ATP2B4: variants seen among roughly 807,000 people sequenced by gnomAD.
ATP2B4 encodes the protein ATPase plasma membrane Ca2+ transporting 4.
Under a neutral mutation model 110.3 loss-of-function variants are expected in ATP2B4, and 39 were observed. The ratio of observed to expected loss-of-function variants is 0.35; its 90% CI spans 0.27 to 0.46. The LOEUF is 0.46. ATP2B4 is among the 20% of genes least tolerant of loss of function. The probability of loss-of-function intolerance (pLI) is 1.00; values close to 1 mark genes in which losing one functional copy is unlikely to be tolerated. For missense variants in ATP2B4, 1,135 were observed against 1,530.9 expected (o/e 0.74, Z 4.32); for synonymous variants, 538 against 571.7 (o/e 0.94, Z 0.84).
intron 1 of ATP2B4, among the ~76,000 whole-genome samples, chr1:203,641,558 T>G (rs1033639559): frequency 5.3e-5 from 8 of 152,184 alleles, no homozygotes; most frequent in Admixed American, 3.9e-4. Context: ...ATCTGTGGAT[T>G]CAGCTGGGAC....
chr1:203,675,725 C>G (rs1310581318), intron 1 of ATP2B4, among the ~76,000 whole-genome samples: 2 of 152,050 alleles, frequency 1.3e-5, no homozygotes, highest in Non-Finnish European at 2.9e-5. Context: ...TGAGGGAGGC[C>G]CGTGGATACC....
Position 203,713,169 on chromosome 1 carries a change from A to G in ATP2B4, c.2216A>G (p.Glu739Gly). The G allele has an allele frequency of 1.2e-6, 2 of 1,614,192 alleles. No homozygotes were observed. The highest frequency in any genetic ancestry group is 1.7e-6 in the Non-Finnish European group (2 of 1,180,010). Residue 739 changes from glutamate to glycine, a missense_variant, in exon 14 of 21, where the codon GAG becomes GGG. Coordinates refer to ENST00000357681, the MANE Select transcript of ATP2B4 (RefSeq NM_001684.5). ...RLIRNEKGEV[E>G]QEKLDKIWPK... Reference sequence around the variant, plus strand: ...GGTGTGGTCTGGTGTTGGCAGGTAGAGCAAGAAAAGCTGGACAAGATCTGG... The same window carrying G: ...GGTGTGGTCTGGTGTTGGCAGGTAGGGCAAGAAAAGCTGGACAAGATCTGG...
chr1:203,679,655 G>T (rs958782346), intron 1 of ATP2B4, among the ~76,000 whole-genome samples: 15 of 152,106 alleles, frequency 9.9e-5, no homozygotes, highest in East Asian at 3.9e-4. Context: ...GAGGCCGAGG[G>T]GGGTGGATCA....
chr1:203,698,011 TTTTA>T, intron 2 of ATP2B4, 142 bp from the exon 3 acceptor site: 1 of 699,054 alleles, frequency 1.4e-6, no homozygotes, highest in Non-Finnish European at 2.4e-6. Flanking sequence ...GGCCTCTTTA[TTTTA>T]TTTATTTTTG....
chr1:203,634,105 T>A (rs1663364011), intron 1 of ATP2B4, among the ~76,000 whole-genome samples: 1 of 152,198 alleles, frequency 6.6e-6, no homozygotes. Flanking sequence ...TTCATATATG[T>A]ATGGGGTGTA....
At chr1:203,676,360 G>A (rs1664828741) in intron 1 of ATP2B4, among the ~76,000 whole-genome samples, 1 of 152,082 alleles carries the variant, frequency 6.6e-6, no homozygotes, top group African/African-American at 2.4e-5. Context: ...TGAGGGATTG[G>A]AAGTGGCCAG....
intron 13 of ATP2B4, among the ~76,000 whole-genome samples, chr1:203,712,883 C>G (rs1051007495): frequency 6.6e-6 from 1 of 152,038 alleles, no homozygotes; most frequent in Non-Finnish European, 1.5e-5. Flanking sequence ...AACAGCCAAC[C>G]CTGGCCCACC....
chr1:203,725,904 C>CTTTTTT lies in ATP2B4; in HGVS notation c.3133-1474_3133-1469dup, dbSNP rs756184004. The stretch of plus-strand genomic sequence containing the variant: ...ATTTCTTTTTCTTTTCTTTTCTTTT[C>CTTTTTT]TTTTTTTTTTTTTTTTTTTTTTAAG... On this transcript the variant is annotated intron_variant, in intron 19 of 20. Coordinates refer to ENST00000357681, the MANE Select transcript of ATP2B4 (RefSeq NM_001684.5). Among the ~76,000 whole-genome samples the CTTTTTT allele has an allele frequency of 5.0e-4, 47 of 93,378 alleles. 1 individual carries two copies. The highest frequency in any genetic ancestry group is 1.2e-3 in the African/African-American group (26 of 22,226). 61.3% of individuals were successfully genotyped at this position (93,378 alleles called of 152,430 possible).
intron 1 of ATP2B4, among the ~76,000 whole-genome samples, chr1:203,632,946 C>A (rs1344429077): frequency 1.3e-5 from 2 of 152,190 alleles, no homozygotes; most frequent in East Asian, 3.9e-4. Context: ...GGTCTGTCCA[C>A]TGAAAGGACT....
At chr1:203,659,226 TAAA>T in intron 1 of ATP2B4, among the ~76,000 whole-genome samples, 1 of 151,836 alleles carries the variant, frequency 6.6e-6, no homozygotes, top group African/African-American at 2.4e-5. Context: ...ATGTGTCAGT[TAAA>T]AAAAAATTTA....
chr1:203,712,290 A>G (rs1439928226), intron 13 of ATP2B4, 151 bp downstream of exon 13: 2 of 1,013,096 alleles, frequency 2.0e-6, no homozygotes, highest in Non-Finnish European at 2.8e-6. Flanking sequence ...AACTGCTGAT[A>G]TGGTAACATT....
chr1:203,686,306 C>T (rs1486747981), intron 2 of ATP2B4, among the ~76,000 whole-genome samples: 1 of 152,166 alleles, frequency 6.6e-6, no homozygotes, highest in African/African-American at 2.4e-5. Context: ...GTCTCACAAA[C>T]AGGAACTCGG....
In ATP2B4 at chr1:203,740,045, C is replaced by T. The variant is rs1289410253; in HGVS notation, c.*191C>T. The T allele has an allele frequency of 1.3e-5, 9 of 676,774 alleles. No homozygotes were observed. The highest frequency in any genetic ancestry group is 8.5e-5 in the South Asian group (4 of 46,960). 41.9% of individuals were successfully genotyped at this position (676,774 alleles called of 1,614,324 possible). A position where few individuals can be genotyped will look rare whatever the true frequency, so the allele number is the denominator to read the frequency against. ...TACAAGGATTTCAACTTAAGCTTGA[C>T]TTGGGGTTTGTAGCGGGACCCAGTC... On this transcript the variant is annotated 3_prime_UTR_variant, in exon 21 of 21. Transcript: ENST00000357681.
chr1:203,687,345 GT>G (rs1665228786), intron 2 of ATP2B4, among the ~76,000 whole-genome samples: 3 of 152,170 alleles, frequency 2.0e-5, no homozygotes, highest in Non-Finnish European at 4.4e-5. Flanking sequence ...AGACATAGGA[GT>G]ATCTACCCAG....
At chr1:203,658,368 T>TAA (rs530207721) in intron 1 of ATP2B4, among the ~76,000 whole-genome samples, 2 of 117,262 alleles carry the variant, frequency 1.7e-5, no homozygotes, top group African/African-American at 6.1e-5. Context: ...TAATAAAAAT[T>TAA]AAAAAAAAAA....
intron 2 of ATP2B4, among the ~76,000 whole-genome samples, chr1:203,685,257 G>C (rs144948963): frequency 1.3e-5 from 2 of 152,318 alleles, no homozygotes; most frequent in East Asian, 3.9e-4. Flanking sequence ...ATGAAATTTT[G>C]CCTCATCAAA....
Position 203,743,069 on chromosome 1 carries a change from C to A in ATP2B4, c.*3215C>A, listed in dbSNP as rs1035930931. ...GTTAAGAGAGAGATCACCTAGAAAT[C>A]CCTCTGGACACTTGTGGGTTCTTTA... On this transcript the variant is annotated 3_prime_UTR_variant, in exon 21 of 21. Coordinates refer to ENST00000357681, the MANE Select transcript of ATP2B4 (RefSeq NM_001684.5). 4 of 152,664 alleles carry A rather than the reference C, an allele frequency of 2.6e-5. No individual in the cohort carries two copies. Among genetic ancestry groups the A allele is most frequent in the African/African-American group, 7.2e-5 (3 of 41,466 alleles). 9.5% of individuals were successfully genotyped at this position (152,664 alleles called of 1,614,324 possible). A position where few individuals can be genotyped will look rare whatever the true frequency, so the allele number is the denominator to read the frequency against.
At chr1:203,698,731 G>A (rs1040505747) in intron 3 of ATP2B4, among the ~76,000 whole-genome samples, 1 of 151,928 alleles carries the variant, frequency 6.6e-6, no homozygotes, top group Non-Finnish European at 1.5e-5. Context: ...CAACCTCCTG[G>A]GTTCAAGCAA....
intron 15 of ATP2B4, 127 bp downstream of exon 15, chr1:203,714,404 A>G (rs1666101295): frequency 1.2e-6 from 1 of 827,748 alleles, no homozygotes; most frequent in Non-Finnish European, 2.0e-6. Flanking sequence ...GTCCAACTCC[A>G]TCTCTCCTAT....
Sources: allele counts gnomAD v4.1 joint callset (sites outside exome capture counted in the v4.1 genomes callset), GRCh38; gene constraint gnomAD v4.1.1; transcripts MANE v1.5; gene names NCBI Gene and HGNC (gene_info 2026-07-23, HGNC 2026-07-21).